MARCHF1: variants seen among roughly 807,000 people sequenced by gnomAD.
The protein encoded by MARCHF1 is E3 ubiquitin-protein ligase MARCHF1.
Under a neutral mutation model 54.2 loss-of-function variants are expected in MARCHF1, and 40 were observed. That is an observed-to-expected ratio of 0.74 (90% CI 0.57 to 0.96). MARCHF1 has a LOEUF of 0.96. Among genes scored for constraint, MARCHF1 ranks in the 40% least tolerant of loss-of-function variants. MARCHF1 has a pLI of 0.00. For missense variants in MARCHF1, 586 were observed against 656.5 expected, an observed-to-expected ratio of 0.89 and a Z score of 1.17; for synonymous variants, 236 against 236.3, an observed-to-expected ratio of 1.00 and a Z score of 0.01.
At chr4:164,025,691 C>T (rs762353171) in intron 2 of MARCHF1, among the ~76,000 whole-genome samples, 3 of 150,504 alleles carry the variant, frequency 2.0e-5, no homozygotes, top group Admixed American at 1.3e-4. Context: ...ACCAGCCAAC[C>T]CCAAAGCTAT....
chr4:163,849,957 C>A (rs1371099029), intron 4 of MARCHF1, among the ~76,000 whole-genome samples: 1 of 152,160 alleles, frequency 6.6e-6, no homozygotes, highest in Non-Finnish European at 1.5e-5. Context: ...ACCTCAAGAT[C>A]CTAAAGCTGG....
At chr4:163,623,059 G>T (rs909505805) in intron 5 of MARCHF1, among the ~76,000 whole-genome samples, 1 of 152,168 alleles carries the variant, frequency 6.6e-6, no homozygotes, top group African/African-American at 2.4e-5. Context: ...GGAGGGCAAG[G>T]CAGGAAATCT....
At chr4:164,190,443 C>T in intron 1 of MARCHF1, 1 of 407,490 alleles carries the variant, frequency 2.5e-6, no homozygotes, top group Non-Finnish European at 4.4e-6. Context: ...ATTGTCACCT[C>T]AGAGTGGAGT....
At chr4:164,121,169 C>A (rs141048279) in intron 1 of MARCHF1, among the ~76,000 whole-genome samples, 4 of 151,968 alleles carry the variant, frequency 2.6e-5, no homozygotes, top group Non-Finnish European at 5.9e-5. Flanking sequence ...CTGAAAGGAT[C>A]GTTTGTGGCT....
chr4:163,683,313 C>G (rs1204727486), intron 5 of MARCHF1, among the ~76,000 whole-genome samples: 1 of 152,162 alleles, frequency 6.6e-6, no homozygotes, highest in East Asian at 1.9e-4. Flanking sequence ...GAAACTGCCT[C>G]TTATAAAACC....
intron 4 of MARCHF1, among the ~76,000 whole-genome samples, chr4:163,851,186 G>A (rs1749632580): frequency 1.3e-5 from 2 of 152,158 alleles, no homozygotes; most frequent in South Asian, 4.1e-4. Flanking sequence ...TTCAAACATG[G>A]TTAAGTAGAA....
chr4:164,015,957 G>C (rs78160435), intron 2 of MARCHF1, among the ~76,000 whole-genome samples: 14,405 of 151,660 alleles, frequency 0.095, 757 homozygotes, highest in Non-Finnish European at 0.12. Context: ...CCCACTGCTG[G>C]GTCTATGTTC....
intron 4 of MARCHF1, among the ~76,000 whole-genome samples, chr4:163,781,463 C>A (rs1289950926): frequency 6.6e-6 from 1 of 152,082 alleles, no homozygotes; most frequent in Non-Finnish European, 1.5e-5. Flanking sequence ...TTTAGCTGAT[C>A]AATGGAATCA....
chr4:164,108,325 T>C (rs899400482), intron 2 of MARCHF1, among the ~76,000 whole-genome samples: 1 of 152,186 alleles, frequency 6.6e-6, no homozygotes, highest in South Asian at 2.1e-4. Flanking sequence ...CTATCTGTAA[T>C]AACGATTTTT....
intron 4 of MARCHF1, among the ~76,000 whole-genome samples, chr4:163,794,991 C>G (rs1248202339): frequency 1.3e-5 from 2 of 152,112 alleles, no homozygotes; most frequent in Non-Finnish European, 2.9e-5. Flanking sequence ...CTATTCTTCA[C>G]CTATTTTCTT....
chr4:164,341,608 TC>T (rs1326593521), intron 1 of MARCHF1, among the ~76,000 whole-genome samples: 3 of 152,202 alleles, frequency 2.0e-5, no homozygotes, highest in South Asian at 2.1e-4. Context: ...AGAGTCAGCT[TC>T]CCCATAAATG....
At chr4:163,860,235 A>G (rs1749887012) in intron 3 of MARCHF1, among the ~76,000 whole-genome samples, 1 of 152,118 alleles carries the variant, frequency 6.6e-6, no homozygotes, top group Non-Finnish European at 1.5e-5. Flanking sequence ...TGTATCTTCG[A>G]TATATTATTG....
At chr4:164,002,526 C>CA (rs199677374) in intron 2 of MARCHF1, among the ~76,000 whole-genome samples, 64 of 148,190 alleles carry the variant, frequency 4.3e-4, no homozygotes, top group Admixed American at 1.0e-3. Flanking sequence ...ACCATAGCGC[C>CA]AAAAAAAAAC....
intron 8 of MARCHF1, among the ~76,000 whole-genome samples, chr4:163,583,109 TGA>T (rs1740282707): frequency 6.6e-6 from 1 of 152,120 alleles, no homozygotes; most frequent in South Asian, 2.1e-4. Flanking sequence ...GGTACACAGA[TGA>T]GTGGAGATGG....
At chr4:163,798,963 G>C (rs1234517927) in intron 4 of MARCHF1, among the ~76,000 whole-genome samples, 3 of 152,020 alleles carry the variant, frequency 2.0e-5, no homozygotes, top group Admixed American at 2.0e-4. Flanking sequence ...AGTTCGTTTA[G>C]TCTTCTCAGT....
chr4:164,221,874 T>C (rs143347907), intron 1 of MARCHF1, among the ~76,000 whole-genome samples: 1 of 151,980 alleles, frequency 6.6e-6, no homozygotes, highest in Admixed American at 6.6e-5. Flanking sequence ...ACTCGCCCAG[T>C]AGAGTGAGCT....
chr4:164,310,974 A>G (rs1734835057), intron 1 of MARCHF1, among the ~76,000 whole-genome samples: 1 of 152,148 alleles, frequency 6.6e-6, no homozygotes, highest in Admixed American at 6.5e-5. Flanking sequence ...CCAACTTGCC[A>G]CTAAAAACAC....
chr4:163,792,444 C>T (rs1388129764), intron 4 of MARCHF1, among the ~76,000 whole-genome samples: 2 of 152,068 alleles, frequency 1.3e-5, no homozygotes, highest in Non-Finnish European at 2.9e-5. Context: ...TTATGTTCAA[C>T]AAATACTTGC....
At chr4:164,350,571 T>C (rs1026415893) in intron 1 of MARCHF1, among the ~76,000 whole-genome samples, 6 of 152,338 alleles carry the variant, frequency 3.9e-5, no homozygotes, top group African/African-American at 1.4e-4. Flanking sequence ...TGATTTGATC[T>C]CTACACGCTA....
Sources: gnomAD v4.1 joint callset for allele counts (sites outside exome capture counted in the v4.1 genomes callset) on GRCh38, gnomAD v4.1.1 for gene constraint, MANE v1.5 for transcripts, NCBI Gene and HGNC (gene_info 2026-07-23, HGNC 2026-07-21) for gene names.